The following SEMA5A variants were observed in gnomAD, a reference collection of about 807,000 sequenced individuals.
SEMA5A encodes semaphorin 5A, also known as semaphorin-5A.
In SEMA5A, 55 loss-of-function variants were observed where a neutral mutation model predicts 135.5. The ratio of observed to expected loss-of-function variants is 0.41; its 90% CI spans 0.33 to 0.51. The LOEUF (loss-of-function observed/expected upper bound fraction) is 0.51. Ranked by LOEUF, SEMA5A falls within the 20% of genes least tolerant of loss-of-function variation. The pLI is 0.37. For missense variants in SEMA5A, 1,290 were observed against 1,419.9 expected, an observed-to-expected ratio of 0.91 and a Z score of 1.47; for synonymous variants, 580 against 546.5, an observed-to-expected ratio of 1.06 and a Z score of -0.85.
At chr5:9,178,373 C>A (rs1306739648) in intron 11 of SEMA5A, among the ~76,000 whole-genome samples, 7 of 142,880 alleles carry the variant, frequency 4.9e-5, no homozygotes, top group African/African-American at 1.6e-4. Flanking sequence ...AGCTTTGTAA[C>A]CCAGGCTGGA....
intron 11 of SEMA5A, among the ~76,000 whole-genome samples, chr5:9,184,807 C>T (rs578078095): frequency 6.6e-6 from 1 of 152,208 alleles, no homozygotes; most frequent in East Asian, 1.9e-4. Flanking sequence ...GGCACATGTC[C>T]TGCTCCTGCT....
At chr5:9,207,888 GATAGATAGATACATAGATAGATAGATA>G (rs1283626028) in intron 8 of SEMA5A, among the ~76,000 whole-genome samples, 4,365 of 57,732 alleles carry the variant, frequency 0.076, 83 homozygotes, top group Middle Eastern at 0.22. Context: ...TAGATAGATA[GATAGATAGATACATAGATAGATAGATA>G]ATAGATAGAT....
chr5:9,348,722 T>C (rs905387021), intron 3 of SEMA5A, among the ~76,000 whole-genome samples: 12 of 152,204 alleles, frequency 7.9e-5, no homozygotes, highest in Non-Finnish European at 1.5e-4. Flanking sequence ...TTCTATTCAA[T>C]AGGCACTTAG....
intron 1 of SEMA5A, among the ~76,000 whole-genome samples, chr5:9,440,838 A>G (rs573563358): frequency 6.6e-6 from 1 of 152,242 alleles, no homozygotes; most frequent in Non-Finnish European, 1.5e-5. Context: ...TATCCTGCAG[A>G]TACATGGCAG....
chr5:9,236,231 T>C (rs1432256233), intron 6 of SEMA5A, among the ~76,000 whole-genome samples: 1 of 152,170 alleles, frequency 6.6e-6, no homozygotes, highest in Non-Finnish European at 1.5e-5. Context: ...GAGGCATTGA[T>C]ATCCCCAGGC....
chr5:9,246,109 AG>A (rs1465076073), intron 5 of SEMA5A, among the ~76,000 whole-genome samples: 1 of 152,164 alleles, frequency 6.6e-6, no homozygotes, highest in Non-Finnish European at 1.5e-5. Context: ...TTCTAAGGTA[AG>A]GCTCATAAGA....
chr5:9,323,128 C>A (rs775201706), intron 4 of SEMA5A, among the ~76,000 whole-genome samples: 3 of 152,074 alleles, frequency 2.0e-5, no homozygotes, highest in Non-Finnish European at 2.9e-5. Context: ...ATACCTAATT[C>A]TAAGAATATC....
At chr5:9,213,930 T>A (rs1383572082) in intron 8 of SEMA5A, among the ~76,000 whole-genome samples, 3 of 151,834 alleles carry the variant, frequency 2.0e-5, no homozygotes, top group African/African-American at 7.3e-5. Flanking sequence ...AAATGGGGGC[T>A]CTCGTAAGGT....
chr5:9,070,101 T>C (rs1339370103), intron 16 of SEMA5A, among the ~76,000 whole-genome samples: 1 of 152,210 alleles, frequency 6.6e-6, no homozygotes, highest in Non-Finnish European at 1.5e-5. Flanking sequence ...CCATGCGTGG[T>C]GGCTCACATC....
chr5:9,166,578 C>A (rs1317135602), intron 11 of SEMA5A, among the ~76,000 whole-genome samples: 2 of 152,210 alleles, frequency 1.3e-5, no homozygotes, highest in Non-Finnish European at 2.9e-5. Flanking sequence ...CCCTGCTCCA[C>A]CACTACTCAC....
intron 1 of SEMA5A, among the ~76,000 whole-genome samples, chr5:9,507,776 G>A (rs1018275514): frequency 5.9e-5 from 9 of 152,020 alleles, no homozygotes; most frequent in Non-Finnish European, 1.2e-4. Context: ...AGGCCGAGGC[G>A]GGCGGATCAC....
intron 16 of SEMA5A, among the ~76,000 whole-genome samples, chr5:9,103,733 C>G (rs1000545147): frequency 1.3e-5 from 2 of 152,126 alleles, no homozygotes; most frequent in Non-Finnish European, 2.9e-5. Flanking sequence ...ATCTGCTAAA[C>G]CTTTGAGGAA....
intron 11 of SEMA5A, among the ~76,000 whole-genome samples, chr5:9,188,027 C>T (rs1300535579): frequency 6.6e-6 from 1 of 152,240 alleles, no homozygotes; most frequent in African/African-American, 2.4e-5. Flanking sequence ...ATGTTTGTGT[C>T]CCCCCAGGAT....
At chr5:9,169,679 G>A (rs1743806837) in intron 11 of SEMA5A, among the ~76,000 whole-genome samples, 1 of 152,072 alleles carries the variant, frequency 6.6e-6, no homozygotes, top group African/African-American at 2.4e-5. Flanking sequence ...TCAACACATA[G>A]AGCAACTTTG....
intron 8 of SEMA5A, among the ~76,000 whole-genome samples, chr5:9,221,365 C>G (rs372944202): frequency 6.9e-4 from 99 of 143,722 alleles, no homozygotes; most frequent in South Asian, 2.0e-3. Context: ...TGCAGTGGCG[C>G]GATCTCGGCT....
chr5:9,366,074 C>G (rs1404584146), intron 3 of SEMA5A, among the ~76,000 whole-genome samples: 1 of 152,158 alleles, frequency 6.6e-6, no homozygotes, highest in African/African-American at 2.4e-5. Context: ...AATGGATATT[C>G]TAGCTTAATA....
intron 5 of SEMA5A, among the ~76,000 whole-genome samples, chr5:9,241,379 T>C (rs1456957998): frequency 6.6e-6 from 1 of 151,974 alleles, no homozygotes; most frequent in Non-Finnish European, 1.5e-5. Flanking sequence ...ACATCAGATA[T>C]TAATTTACAA....
At chr5:9,408,187 TACCACCACCACCATC>T (rs1309722632) in intron 2 of SEMA5A, among the ~76,000 whole-genome samples, 2 of 150,680 alleles carry the variant, frequency 1.3e-5, no homozygotes, top group African/African-American at 2.4e-5. Context: ...ACACCACTGT[TACCACCACCACCATC>T]ACCACCACCA....
At chr5:9,461,626 C>T (rs868061102) in intron 1 of SEMA5A, among the ~76,000 whole-genome samples, 5 of 152,080 alleles carry the variant, frequency 3.3e-5, no homozygotes, top group Non-Finnish European at 5.9e-5. Flanking sequence ...GAAACACCAC[C>T]GTGATATCAC....
Sources: allele counts gnomAD v4.1 joint callset (sites outside exome capture counted in the v4.1 genomes callset), GRCh38; gene constraint gnomAD v4.1.1; transcripts MANE v1.5; gene names NCBI Gene and HGNC (gene_info 2026-07-23, HGNC 2026-07-21).